Variants in MAP2K5 observed in about 807,000 individuals in gnomAD.
MAP2K5 encodes mitogen-activated protein kinase kinase 5.
Under a neutral mutation model 83.1 loss-of-function variants are expected in MAP2K5, and 49 were observed. The ratio of observed to expected loss-of-function variants is 0.59; its 90% CI spans 0.47 to 0.75. The LOEUF is 0.75. MAP2K5 is among the 30% of genes least tolerant of loss of function. The probability of loss-of-function intolerance (pLI) is 0.00; values close to 1 mark genes in which losing one functional copy is unlikely to be tolerated. For synonymous variants in MAP2K5, 202 were observed against 191.8 expected, an observed-to-expected ratio of 1.05 and a Z score of -0.44; for missense variants, 457 against 557.5, an observed-to-expected ratio of 0.82 and a Z score of 1.82.
At chr15:67,658,131 A>G (rs1199200894) in intron 11 of MAP2K5, among the ~76,000 whole-genome samples, 1 of 152,140 alleles carries the variant, frequency 6.6e-6, no homozygotes, top group African/African-American at 2.4e-5. Context: ...TTCTCTGCAT[A>G]TATTCCAGCT....
chr15:67,806,726 G>T lies in MAP2K5; in HGVS notation c.1323G>T (p.Arg441Ser). 6.4e-7 allele frequency: 1 copy of T among 1,552,490 alleles called. No individual in the cohort carries two copies. ...GGGTGTGCCGGGCGCTGGAGGAGAG[G>T]CGGAGCCAGCAGGGGCCCCCGTGAG... ...SMWVCRALEERRSQQGPP is the reference protein window; with the variant it reads ...SMWVCRALEESRSQQGPP The change falls in exon 22 of 22, where the codon AGG becomes AGT. Residue 441 changes from arginine (R) to serine (S), a missense_variant. Transcript: ENST00000178640.
At chr15:67,763,324 C>T (rs572666355) in intron 19 of MAP2K5, among the ~76,000 whole-genome samples, 1 of 152,174 alleles carries the variant, frequency 6.6e-6, no homozygotes, top group East Asian at 1.9e-4. Flanking sequence ...TTTTAACAAG[C>T]ATTGATTGAA....
intron 21 of MAP2K5, among the ~76,000 whole-genome samples, chr15:67,799,634 C>T (rs572030723): frequency 9.8e-5 from 15 of 152,350 alleles, no homozygotes; most frequent in Admixed American, 5.2e-4. Flanking sequence ...GGCCTTGCTA[C>T]GCAGAGGTGA....
chr15:67,608,131 G>A (rs574527544), intron 8 of MAP2K5, among the ~76,000 whole-genome samples: 18 of 152,292 alleles, frequency 1.2e-4, no homozygotes, highest in Middle Eastern at 3.4e-3. Flanking sequence ...GCGCACTTCT[G>A]TGTTGTAGGG....
At chr15:67,771,383 G>A (rs1291254905) in intron 20 of MAP2K5, among the ~76,000 whole-genome samples, 3 of 152,210 alleles carry the variant, frequency 2.0e-5, no homozygotes, top group Non-Finnish European at 2.9e-5. Flanking sequence ...CAACCTGGGG[G>A]TGGGGCTGGT....
chr15:67,766,019 C>G (rs1032716824), intron 19 of MAP2K5, among the ~76,000 whole-genome samples: 2 of 152,218 alleles, frequency 1.3e-5, no homozygotes, highest in African/African-American at 4.8e-5. Context: ...CTTCACTGTT[C>G]TCTAGCATGC....
At chr15:67,673,284 G>A (rs558087634) in intron 13 of MAP2K5, among the ~76,000 whole-genome samples, 3 of 152,100 alleles carry the variant, frequency 2.0e-5, no homozygotes, top group East Asian at 3.9e-4. Flanking sequence ...CCATCTAAGG[G>A]CATCCTTTTT....
chr15:67,703,293 A>G (rs922593619), intron 15 of MAP2K5, 44 bp from the exon 16 acceptor site: 9 of 1,431,394 alleles, frequency 6.3e-6, no homozygotes, highest in Non-Finnish European at 8.9e-6. Context: ...TGTTTTCCTG[A>G]GTAGCATCCG....
intron 17 of MAP2K5, among the ~76,000 whole-genome samples, chr15:67,734,363 A>C (rs913471025): frequency 6.6e-6 from 1 of 152,038 alleles, no homozygotes; most frequent in Non-Finnish European, 1.5e-5. Context: ...TGCTATTTTA[A>C]TGTGTTTTGT....
intron 19 of MAP2K5, among the ~76,000 whole-genome samples, chr15:67,763,431 C>T (rs982908228): frequency 6.6e-6 from 1 of 152,146 alleles, no homozygotes; most frequent in African/African-American, 2.4e-5. Context: ...CCACCTTTCT[C>T]CTTCTGATAA....
In MAP2K5 at chr15:67,748,526, G is replaced by A. The variant is rs12592919; in HGVS notation, c.1102-43G>A. 159,873 of 1,582,188 alleles carry A rather than the reference G, an allele frequency of 0.1. 8,380 individuals are homozygous for A. Among genetic ancestry groups the A allele is most frequent in the Non-Finnish European group, 0.1 (116,108 of 1,152,296 alleles). On this transcript the variant is annotated intron_variant, in intron 18 of 21. Transcript: ENST00000178640. The surrounding 1 kb of genome is among the most constrained non-coding windows in gnomAD (Gnocchi z 4.0). ...CTTTCCACTCCACTGTAAAGATATT[G>A]CATAGAGGCTAATACTTTTTCCTCT...
chr15:67,645,152 A>G (rs765761621), intron 9 of MAP2K5, among the ~76,000 whole-genome samples: 7 of 152,092 alleles, frequency 4.6e-5, no homozygotes, highest in Non-Finnish European at 7.4e-5. Context: ...AGCCTGGGTA[A>G]CAGAGCAAGA....
chr15:67,640,605 T>A lies in MAP2K5; in HGVS notation c.586-5626T>A. ...CCTGCATGGAATGATGAGGGAAATT[T>A]AATTTTCCAAGCAAAGTGGTCAGTT... On this transcript the variant is annotated intron_variant, in intron 9 of 21. Coordinates refer to ENST00000178640, the MANE Select transcript of MAP2K5 (RefSeq NM_145160.3). This position sits in a 1 kb window ranked among gnomAD's most constrained non-coding sequence, Gnocchi z 4.6. 1 of 985,280 alleles carries A rather than the reference T, an allele frequency of 1.0e-6. No individual in the cohort carries two copies. Among genetic ancestry groups the A allele is most frequent in the Non-Finnish European group, 1.2e-6 (1 of 829,808 alleles). The allele number at this position is 985,280 out of a possible 1,614,324, so 61.0% of individuals were successfully genotyped here. A position where few individuals can be genotyped will look rare whatever the true frequency, so the allele number is the denominator to read the frequency against.
intron 13 of MAP2K5, among the ~76,000 whole-genome samples, chr15:67,667,304 T>C (rs904199744): frequency 2.6e-5 from 4 of 152,234 alleles, no homozygotes; most frequent in African/African-American, 7.2e-5. Flanking sequence ...TCAGAGCTTT[T>C]AAGTTCAGCT....
At chr15:67,766,896 C>CTGCA (rs2090051152) in intron 19 of MAP2K5, among the ~76,000 whole-genome samples, 1 of 152,182 alleles carries the variant, frequency 6.6e-6, no homozygotes, top group African/African-American at 2.4e-5. Context: ...ACTCAGTCTT[C>CTGCA]TGCATCTCAG....
chr15:67,577,036 C>T lies in MAP2K5; in HGVS notation c.253-3718C>T, dbSNP rs2085080647. On this transcript the variant is annotated intron_variant, in intron 3 of 21. Coordinates refer to ENST00000178640, the MANE Select transcript of MAP2K5 (RefSeq NM_145160.3). The surrounding 1 kb of genome is among the most constrained non-coding windows in gnomAD (Gnocchi z 4.1). Reference sequence around the variant, plus strand: ...CTGCAAGCTCCGCTTCCCGGGTTCACGCCATTCTCCTGCCTCAGCCTCCCG... The same window carrying T: ...CTGCAAGCTCCGCTTCCCGGGTTCATGCCATTCTCCTGCCTCAGCCTCCCG... 1.4e-5 allele frequency among the ~76,000 whole-genome samples: 2 copies of T among 145,420 alleles called. No individual in the cohort carries two copies. The highest frequency in any genetic ancestry group is 6.8e-5 in the Admixed American group (1 of 14,700).
chr15:67,800,196 G>A (rs539345492), intron 21 of MAP2K5, among the ~76,000 whole-genome samples: 4 of 152,300 alleles, frequency 2.6e-5, no homozygotes, highest in South Asian at 2.1e-4. Flanking sequence ...ATTATTTAAC[G>A]TCTCTAATCT....
chr15:67,595,434 C>T (rs16951050), intron 7 of MAP2K5, among the ~76,000 whole-genome samples: 1,887 of 152,244 alleles, frequency 0.012, 45 homozygotes, highest in African/African-American at 0.043. Context: ...ATTTGTGAAG[C>T]AAAGGTCTAG....
At position 67,802,992 on chromosome 15, in the gene MAP2K5, C is replaced by T. The variant is rs1299430028; in HGVS notation, c.1243-3654C>T. ...GGAGTCGGAGACCCATGTTCTGGTT[C>T]TAGCCCAACTGCCTGGTTGGTTGCC... On this transcript the variant is annotated intron_variant, in intron 21 of 21. Coordinates refer to ENST00000178640, the MANE Select transcript of MAP2K5 (RefSeq NM_145160.3). This position sits in a 1 kb window ranked among gnomAD's most constrained non-coding sequence, Gnocchi z 5.0. 1.3e-5 allele frequency among the ~76,000 whole-genome samples: 2 copies of T among 152,230 alleles called. No individual in the cohort carries two copies. Among genetic ancestry groups the T allele is most frequent in the Admixed American group, 1.3e-4 (2 of 15,286 alleles).
Sources: gnomAD v4.1 joint callset for allele counts (sites outside exome capture counted in the v4.1 genomes callset) on GRCh38, gnomAD v4.1.1 for gene constraint, Gnocchi (gnomAD v3.1) non-coding constraint, MANE v1.5 for transcripts, NCBI Gene and HGNC (gene_info 2026-07-23, HGNC 2026-07-21) for gene names.